Variants in CTNNA3 observed in about 807,000 individuals in gnomAD.
CTNNA3 encodes catenin alpha-3.
A neutral mutation model predicts 95.7 loss-of-function variants in CTNNA3; 76 were observed. That is an observed-to-expected ratio of 0.79 (90% CI 0.66 to 0.96). The LOEUF (loss-of-function observed/expected upper bound fraction) is 0.96, where lower values mean the gene tolerates loss of function less well. Among genes scored for constraint, CTNNA3 ranks in the 40% least tolerant of loss-of-function variants. CTNNA3 has a pLI of 0.00. For synonymous variants in CTNNA3, 431 were observed against 374.4 expected, an observed-to-expected ratio of 1.15 and a Z score of -1.74; for missense variants, 1,191 against 1,089.8, an observed-to-expected ratio of 1.09 and a Z score of -1.31.
chr10:67,232,566 G>T (rs1197649696), intron 5 of CTNNA3, among the ~76,000 whole-genome samples: 1 of 151,986 alleles, frequency 6.6e-6, no homozygotes, highest in Non-Finnish European at 1.5e-5. Context: ...ATGCCAAAAT[G>T]TAAAGACCAT....
At chr10:67,201,979 A>T (rs549797337) in intron 6 of CTNNA3, among the ~76,000 whole-genome samples, 1 of 152,338 alleles carries the variant, frequency 6.6e-6, no homozygotes, top group South Asian at 2.1e-4. Flanking sequence ...AGAAAACATA[A>T]GACATTTTTG....
chr10:67,623,060 C>T (rs939598020), intron 2 of CTNNA3, among the ~76,000 whole-genome samples: 12 of 152,058 alleles, frequency 7.9e-5, no homozygotes, highest in African/African-American at 2.9e-4. Context: ...TTGAGATTTC[C>T]TTGGAAGCTT....
chr10:67,501,116 C>G (rs373917759), intron 5 of CTNNA3, among the ~76,000 whole-genome samples: 18 of 152,280 alleles, frequency 1.2e-4, no homozygotes, highest in African/African-American at 4.3e-4. Context: ...TTTTTCCTTT[C>G]CATATTAGTG....
chr10:67,616,928 G>A (rs188615993), intron 2 of CTNNA3, among the ~76,000 whole-genome samples: 232 of 152,212 alleles, frequency 1.5e-3, no homozygotes, highest in African/African-American at 5.2e-3. Context: ...TCTTAAAAAC[G>A]ATGTATAACT....
At chr10:66,499,741 A>G (rs1483235740) in intron 11 of CTNNA3, among the ~76,000 whole-genome samples, 2 of 152,238 alleles carry the variant, frequency 1.3e-5, no homozygotes, top group East Asian at 3.9e-4. Context: ...AATAAATGAG[A>G]AAATATCTAT....
At chr10:66,459,773 A>T (rs1230393955) in intron 11 of CTNNA3, among the ~76,000 whole-genome samples, 1 of 152,204 alleles carries the variant, frequency 6.6e-6, no homozygotes, top group Non-Finnish European at 1.5e-5. Context: ...AAACATATGA[A>T]AACATAGAAA....
At chr10:66,896,478 T>G (rs1845497319) in intron 7 of CTNNA3, among the ~76,000 whole-genome samples, 1 of 152,194 alleles carries the variant, frequency 6.6e-6, no homozygotes, top group Non-Finnish European at 1.5e-5. Context: ...GCTGCAAATT[T>G]TATGGTGTAT....
intron 12 of CTNNA3, among the ~76,000 whole-genome samples, chr10:66,323,491 A>G (rs2092216612): frequency 6.6e-6 from 1 of 151,754 alleles, no homozygotes; most frequent in Non-Finnish European, 1.5e-5. Flanking sequence ...TAAAAATACA[A>G]AAAATAAAAA....
rs1456880224 is a variant in CTNNA3, at chr10:66,927,379, G to A, written c.1048-151855C>T. 1.2e-6 allele frequency: 2 copies of A among 1,614,074 alleles called. No individual in the cohort carries two copies. Among genetic ancestry groups the A allele is most frequent in the Admixed American group, 3.3e-5 (2 of 60,018 alleles). On this transcript the variant is annotated intron_variant, in intron 7 of 17. Coordinates refer to ENST00000433211, the MANE Select transcript of CTNNA3 (RefSeq NM_013266.4). This position sits in a 1 kb window ranked among gnomAD's most constrained non-coding sequence, Gnocchi z 4.7. ...TTCTCTGGGATCTGAACAGTTTCGG[G>A]GCTTGCGGAAGCTGCTGAGTTTACA...
At chr10:67,696,322 C>T (rs1264935377), upstream of CTNNA3, among the ~76,000 whole-genome samples, 1 of 152,160 alleles carries the variant, frequency 6.6e-6, no homozygotes, top group Non-Finnish European at 1.5e-5. Context: ...GACCTACAAA[C>T]ATAGCTCTGA....
At chr10:67,452,054 G>GAAT in intron 5 of CTNNA3, among the ~76,000 whole-genome samples, 1 of 143,900 alleles carries the variant, frequency 6.9e-6, no homozygotes, top group African/African-American at 2.7e-5. Context: ...AGGGAGGGAG[G>GAAT]GAGGAATGGA....
rs530489506 is a variant in CTNNA3 at position 66,230,553 on chromosome 10, G to C, written c.1884+49917C>G. On this transcript the variant is annotated intron_variant, in intron 13 of 17. Transcript: ENST00000433211. ...AGCTTTACTGGGGACAGGGATGCCA[G>C]GTTGGTTGGTCCTTGGTCTCCAGGA... is the stretch of plus-strand genomic sequence containing the variant. Among the ~76,000 whole-genome samples, 27 of 152,248 alleles carry C rather than the reference G, an allele frequency of 1.8e-4. No individual in the cohort carries two copies. The East Asian group carries it at 5.2e-3, about 29-fold the overall frequency.
At chr10:66,216,806 C>A (rs977229615) in intron 13 of CTNNA3, among the ~76,000 whole-genome samples, 1 of 152,154 alleles carries the variant, frequency 6.6e-6, no homozygotes, top group African/African-American at 2.4e-5. Flanking sequence ...TGGTACATAA[C>A]TACATTACAA....
At chr10:66,022,160 G>A (rs987978403) in intron 15 of CTNNA3, among the ~76,000 whole-genome samples, 1 of 152,074 alleles carries the variant, frequency 6.6e-6, no homozygotes, top group East Asian at 1.9e-4. Flanking sequence ...GCCCAGCCTC[G>A]AAGATGTCTT....
intron 7 of CTNNA3, among the ~76,000 whole-genome samples, chr10:67,128,445 T>A (rs1859832371): frequency 6.6e-6 from 1 of 152,152 alleles, no homozygotes; most frequent in Non-Finnish European, 1.5e-5. Context: ...ATCCTTTTTT[T>A]TTTAAAGAAT....
intron 10 of CTNNA3, among the ~76,000 whole-genome samples, chr10:66,547,339 C>CTTTATTTTTTTTTTTTTTTTTTTT: frequency 1.0e-4 from 1 of 9,582 alleles, no homozygotes; most frequent in East Asian, 9.4e-3. Context: ...TTTGATTTTT[C>CTTTATTTTTTTTTTTTTTTTTTTT]TTTCTTTCTT....
intron 12 of CTNNA3, among the ~76,000 whole-genome samples, chr10:66,324,338 C>CA (rs1355686962): frequency 2.6e-5 from 4 of 151,984 alleles, no homozygotes; most frequent in Admixed American, 1.3e-4. Flanking sequence ...AACAAACAAA[C>CA]AAAAAAACCT....
chr10:67,330,567 C>A (rs1841740573), intron 5 of CTNNA3, among the ~76,000 whole-genome samples: 1 of 152,274 alleles, frequency 6.6e-6, no homozygotes, highest in South Asian at 2.1e-4. Context: ...GGCTTAATAG[C>A]TTCCTACACA....
chr10:66,945,915 C>G (rs1158965255), intron 7 of CTNNA3, among the ~76,000 whole-genome samples: 1 of 152,060 alleles, frequency 6.6e-6, no homozygotes, highest in Non-Finnish European at 1.5e-5. Flanking sequence ...TTGTCAGATT[C>G]TATGGTTGTA....
Sources: allele counts gnomAD v4.1 joint callset (sites outside exome capture counted in the v4.1 genomes callset), GRCh38; gene constraint gnomAD v4.1.1; non-coding constraint Gnocchi (gnomAD v3.1); transcripts MANE v1.5; gene names NCBI Gene and HGNC (gene_info 2026-07-23, HGNC 2026-07-21).